The following GNA14 variants were observed in gnomAD, a reference collection of about 807,000 sequenced individuals.
The protein encoded by GNA14 is guanine nucleotide-binding protein subunit alpha-14.
GNA14 carries 50 observed loss-of-function variants against 42.0 expected under a neutral mutation model. The observed-to-expected ratio is 1.19, with a 90% CI of 0.95 to 1.51. The LOEUF (loss-of-function observed/expected upper bound fraction) is 1.51. Ranked by LOEUF, GNA14 falls within the 40% of genes most tolerant of loss-of-function variation. GNA14 has a pLI of 0.00. For synonymous variants in GNA14, 173 were observed against 163.1 expected (o/e 1.06, Z -0.46); for missense variants, 473 against 446.2 (o/e 1.06, Z -0.54).
intron 2 of GNA14, among the ~76,000 whole-genome samples, chr9:77,492,092 A>T (rs1224789583): frequency 6.6e-6 from 1 of 152,218 alleles, no homozygotes; most frequent in Non-Finnish European, 1.5e-5. Flanking sequence ...AAGGAAATTT[A>T]AAAATTTCTT....
intron 1 of GNA14, among the ~76,000 whole-genome samples, chr9:77,592,007 C>T (rs535167867): frequency 4.2e-4 from 64 of 152,056 alleles, no homozygotes; most frequent in African/African-American, 1.4e-3. Flanking sequence ...CTCCGCTTCC[C>T]GGGTTCATGC....
chr9:77,545,529 C>G (rs530783897), intron 1 of GNA14, among the ~76,000 whole-genome samples: 1 of 152,204 alleles, frequency 6.6e-6, no homozygotes, highest in Non-Finnish European at 1.5e-5. Context: ...TTTATGAATG[C>G]GTGGTCAAAG....
intron 1 of GNA14, among the ~76,000 whole-genome samples, chr9:77,548,737 C>A (rs1837753657): frequency 6.6e-6 from 1 of 152,178 alleles, no homozygotes; most frequent in African/African-American, 2.4e-5. Context: ...TTTCTACATG[C>A]AGCAACTTCT....
At chr9:77,469,142 C>A (rs988548854) in intron 2 of GNA14, among the ~76,000 whole-genome samples, 3 of 152,042 alleles carry the variant, frequency 2.0e-5, no homozygotes, top group African/African-American at 7.2e-5. Flanking sequence ...TAATATAGAG[C>A]TGCATGAGGC....
At chr9:77,623,083 C>T (rs921519282) in intron 1 of GNA14, among the ~76,000 whole-genome samples, 1 of 150,344 alleles carries the variant, frequency 6.7e-6, no homozygotes, top group Non-Finnish European at 1.5e-5. Context: ...GGTGTGGTGG[C>T]ATGCGCCTGT....
chr9:77,545,264 G>C (rs541493246), intron 1 of GNA14, among the ~76,000 whole-genome samples: 23 of 144,096 alleles, frequency 1.6e-4, no homozygotes, highest in Admixed American at 8.1e-4. Flanking sequence ...AGTTAAATAA[G>C]AGGAGCTACC....
chr9:77,450,422 G>A (rs368350270), intron 2 of GNA14, among the ~76,000 whole-genome samples: 3 of 152,034 alleles, frequency 2.0e-5, no homozygotes, highest in South Asian at 2.1e-4. Context: ...CTTACATGCC[G>A]CATCAAAGGA....
rs746940639 is a variant in GNA14, at chr9:77,431,432, T to G, written c.482A>C (p.Asp161Ala). The G allele has an allele frequency of 6.2e-7, 1 of 1,613,230 alleles. No individual in the cohort carries two copies. Among genetic ancestry groups the G allele is most frequent in the Non-Finnish European group, 8.5e-7 (1 of 1,179,434 alleles). The change falls in exon 4 of 7, where the codon GAC becomes GCC. Residue 161 changes from aspartate to alanine, a missense_variant. Coordinates refer to ENST00000341700, the MANE Select transcript of GNA14 (RefSeq NM_004297.4). ...CACGAATGATGGTGTGGCGATGCGG[T>G]CAATGTCAGTCAGGTAACTGTATAT... is the stretch of plus-strand genomic sequence containing the variant. ...DSAKYYLTDI[D>A]RIATPSFVPT...
At chr9:77,487,492 G>C (rs1401318825) in intron 2 of GNA14, among the ~76,000 whole-genome samples, 1 of 113,024 alleles carries the variant, frequency 8.8e-6, no homozygotes, top group African/African-American at 3.0e-5. Context: ...CTATCTTATG[G>C]TATTTTTGTA....
Position 77,423,206 on chromosome 9 carries a change from C to G in GNA14, c.*773G>C, listed in dbSNP as rs1434896441. The G allele has an allele frequency of 6.6e-6, 1 of 152,076 alleles. No individual in the cohort carries two copies. Among genetic ancestry groups the G allele is most frequent in the Non-Finnish European group, 1.5e-5 (1 of 68,032 alleles). 9.4% of individuals were successfully genotyped at this position (152,076 alleles called of 1,614,324 possible). On this transcript the variant is annotated 3_prime_UTR_variant, in exon 7 of 7. Transcript: ENST00000341700. ...AACATTTGTCAAACAATGTGGACTT[C>G]TAGCCATTTCATACATTTTTAAGAT...
chr9:77,512,066 G>A (rs1837180137), intron 2 of GNA14, among the ~76,000 whole-genome samples: 1 of 151,658 alleles, frequency 6.6e-6, no homozygotes, highest in Non-Finnish European at 1.5e-5. Context: ...AGCCCCCACT[G>A]CCTGCTTGGC....
intron 2 of GNA14, among the ~76,000 whole-genome samples, chr9:77,447,148 T>G (rs971794651): frequency 1.3e-5 from 2 of 152,140 alleles, no homozygotes; most frequent in African/African-American, 4.8e-5. Flanking sequence ...TTTCACCATG[T>G]TAGCCAGGCT....
intron 2 of GNA14, among the ~76,000 whole-genome samples, chr9:77,482,606 T>C (rs577144439): frequency 1.8e-4 from 27 of 152,310 alleles, no homozygotes; most frequent in Admixed American, 1.2e-3. Flanking sequence ...TGGCCTGCCT[T>C]GCTAGATTGG....
Position 77,595,922 on chromosome 9 carries a change from T to C in GNA14, c.124+51748A>G, listed in dbSNP as rs145800187. 6.8e-4 allele frequency among the ~76,000 whole-genome samples: 104 copies of C among 152,102 alleles called. 1 individual carries two copies. Among genetic ancestry groups the C allele is most frequent in the Middle Eastern group, 3.4e-3 (1 of 294 alleles). ...AACAAGATATGAGTCCTTTGGAAGA[T>C]TGCCCAAGCACAGGGCTACATTTGT... On this transcript the variant is annotated intron_variant, in intron 1 of 6. Transcript: ENST00000341700.
At chr9:77,575,816 G>T (rs62573428) in intron 1 of GNA14, among the ~76,000 whole-genome samples, 5,022 of 152,226 alleles carry the variant, frequency 0.033, 187 homozygotes, top group African/African-American at 0.094. Flanking sequence ...TTGAGTTGTC[G>T]GGGGCTGAAC....
intron 1 of GNA14, among the ~76,000 whole-genome samples, chr9:77,559,387 G>T (rs1267360888): frequency 6.6e-6 from 1 of 152,176 alleles, no homozygotes; most frequent in Admixed American, 6.5e-5. Context: ...TGAGATAAAG[G>T]ACTGGGGGAG....
At chr9:77,628,705 AC>A (rs879145978) in intron 1 of GNA14, among the ~76,000 whole-genome samples, 1 of 152,088 alleles carries the variant, frequency 6.6e-6, no homozygotes, top group African/African-American at 2.4e-5. Flanking sequence ...CTGAAACTGG[AC>A]CCCTTCCTTA....
chr9:77,595,838 G>T (rs977999357), intron 1 of GNA14, among the ~76,000 whole-genome samples: 1 of 152,038 alleles, frequency 6.6e-6, no homozygotes, highest in Non-Finnish European at 1.5e-5. Context: ...GGCAGTTAGG[G>T]ATGTTTTCAA....
chr9:77,515,892 C>G (rs550696225), intron 2 of GNA14, among the ~76,000 whole-genome samples: 83 of 138,864 alleles, frequency 6.0e-4, no homozygotes, highest in African/African-American at 2.2e-3. Flanking sequence ...CCTGGGAGGT[C>G]GAGGTTGCAG....
Sources: allele counts gnomAD v4.1 joint callset (sites outside exome capture counted in the v4.1 genomes callset), GRCh38; gene constraint gnomAD v4.1.1; transcripts MANE v1.5; gene names NCBI Gene and HGNC (gene_info 2026-07-23, HGNC 2026-07-21).